OTOGL: variants seen among roughly 807,000 people sequenced by gnomAD.
OTOGL encodes the protein otogelin like.
In OTOGL, 285 loss-of-function variants were observed where a neutral mutation model predicts 318.5. The observed-to-expected ratio is 0.89, with a 90% CI of 0.81 to 0.99. The LOEUF is 0.99. OTOGL is among the 50% of genes least tolerant of loss of function. The probability of loss-of-function intolerance (pLI) is 0.00; values close to 1 mark genes in which losing one functional copy is unlikely to be tolerated. For missense variants in OTOGL, 2,899 were observed against 2,845.6 expected (o/e 1.02, Z -0.43); for synonymous variants, 987 against 936.5 (o/e 1.05, Z -0.99).
At chr12:80,375,184 G>A (rs780453900) in intron 57 of OTOGL, among the ~76,000 whole-genome samples, 33 of 152,258 alleles carry the variant, frequency 2.2e-4, no homozygotes, top group Middle Eastern at 3.4e-3. Flanking sequence ...AGAGATTGTG[G>A]AGGTTGGATA....
chr12:80,347,916 CTT>C, intron 44 of OTOGL, among the ~76,000 whole-genome samples: 1 of 152,148 alleles, frequency 6.6e-6, no homozygotes, highest in East Asian at 1.9e-4. Flanking sequence ...GCATAAATGT[CTT>C]CTTTTGAGAA....
chr12:80,312,093 A>C (rs1391438684), intron 30 of OTOGL, among the ~76,000 whole-genome samples: 1 of 152,262 alleles, frequency 6.6e-6, no homozygotes, highest in Admixed American at 6.5e-5. Flanking sequence ...TAGATTTCAC[A>C]TTGCAAAGAA....
chr12:80,199,440 T>A (rs1020309883), intron 1 of OTOGL, among the ~76,000 whole-genome samples: 1 of 152,228 alleles, frequency 6.6e-6, no homozygotes, highest in Admixed American at 6.5e-5. Flanking sequence ...TGATTATTTT[T>A]ATCATGATTT....
At chr12:80,163,757 A>G (rs547658637) in intron 1 of OTOGL, among the ~76,000 whole-genome samples, 40 of 152,114 alleles carry the variant, frequency 2.6e-4, no homozygotes, top group African/African-American at 9.2e-4. Context: ...CCAGTTGGGT[A>G]TGTTTTTATG....
rs1005882212 is a variant in OTOGL, at chr12:80,370,812, G to T, written c.6735+123G>T. 8.5e-6 allele frequency: 6 copies of T among 702,568 alleles called. No homozygotes were observed. In the African/African-American group the frequency reaches 1.1e-4, roughly 13 times the overall value. 43.5% of individuals were successfully genotyped at this position (702,568 alleles called of 1,614,324 possible). ...ATAATGGCGAATGTGTTATTTTCAT[G>T]AATGAATAAAAGCTCTGTTCTATTT... On this transcript the variant is annotated intron_variant, in intron 56 of 58. Coordinates refer to ENST00000547103, the MANE Select transcript of OTOGL (RefSeq NM_001378609.3).
intron 45 of OTOGL, among the ~76,000 whole-genome samples, chr12:80,352,684 G>A (rs1237919109): frequency 6.6e-6 from 1 of 152,010 alleles, no homozygotes; most frequent in Admixed American, 6.6e-5. Context: ...TATTCAAGAG[G>A]GGCATTGCTG....
chr12:80,151,157 G>C (rs1353298114), intron 1 of OTOGL, among the ~76,000 whole-genome samples: 5 of 151,780 alleles, frequency 3.3e-5, no homozygotes, highest in Non-Finnish European at 7.4e-5. Context: ...TTTAGGATGA[G>C]TTTCTAATTG....
intron 15 of OTOGL, 42 bp from the exon 16 acceptor site, chr12:80,254,983 TCCTCCTCTATCTCCA>T: frequency 7.5e-7 from 1 of 1,333,596 alleles, no homozygotes; most frequent in Non-Finnish European, 9.8e-7. Context: ...CTCCTCTCTC[TCCTCCTCTATCTCCA>T]CCTCCTTTTC....
In OTOGL at chr12:80,377,961, G is replaced by A. The variant is rs766813190; in HGVS notation, c.6975G>A (p.Leu2325=). 32 of 1,608,024 alleles carry A rather than the reference G, an allele frequency of 2.0e-5. No individual in the cohort carries two copies. Among genetic ancestry groups the A allele is most frequent in the Non-Finnish European group, 2.5e-5 (29 of 1,176,766 alleles). ...KCCRENGVRN[L]SVPLYCSGNG... is the part of the protein sequence containing the mutation. ...GTCGTGAAAATGGAGTACGAAACTTGTCTGTGCCTCTGTATTGCTCAGGAA... is the reference window on the plus strand; with the variant it reads ...GTCGTGAAAATGGAGTACGAAACTTATCTGTGCCTCTGTATTGCTCAGGAA... Residue 2325 remains leucine, a synonymous_variant, in exon 59 of 59, where the codon TTG becomes TTA. Transcript: ENST00000547103.
chr12:80,154,292 G>C lies in OTOGL; in HGVS notation c.-20+54687G>C, dbSNP rs145674849. ...CCACTGCACTCCAGCCTGGGCAACA[G>C]AGCAAGACTCAGTTAAAAAGGGGGG... On this transcript the variant is annotated intron_variant, in intron 1 of 58. Coordinates refer to ENST00000547103, the MANE Select transcript of OTOGL (RefSeq NM_001378609.3). 1.8e-4 allele frequency among the ~76,000 whole-genome samples: 28 copies of C among 152,118 alleles called. No individual in the cohort carries two copies. In the East Asian group the frequency reaches 5.2e-3, roughly 28 times the overall value.
In OTOGL at chr12:80,210,881, A is replaced by C; in HGVS notation, c.114A>C (p.Thr38=). ...YICASSILMG[T]SKNGFNENRQ... is the part of the protein sequence containing the mutation. Reference sequence around the variant, plus strand: ...GTGCATCGTCTATATTGATGGGAACATCAAAGTGAGTATTTCTTGTTCTTC... The same window carrying C: ...GTGCATCGTCTATATTGATGGGAACCTCAAAGTGAGTATTTCTTGTTCTTC... The change falls in exon 3 of 59, where the codon ACA becomes ACC. Residue 38 remains threonine, a synonymous_variant. Transcript: ENST00000547103. The C allele has an allele frequency of 1.3e-6, 2 of 1,484,768 alleles. No homozygotes were observed. The highest frequency in any genetic ancestry group is 1.8e-6 in the Non-Finnish European group (2 of 1,114,404). 92.0% of individuals were successfully genotyped at this position (1,484,768 alleles called of 1,614,324 possible). A position where few individuals can be genotyped will look rare whatever the true frequency, so the allele number is the denominator to read the frequency against.
intron 1 of OTOGL, among the ~76,000 whole-genome samples, chr12:80,208,619 T>C (rs557612757): frequency 1.3e-5 from 2 of 152,306 alleles, no homozygotes; most frequent in African/African-American, 4.8e-5. Flanking sequence ...AAGCAGTCAA[T>C]CCCTGTTAAA....
chr12:80,122,046 G>T (rs559000691), intron 1 of OTOGL, among the ~76,000 whole-genome samples: 2 of 152,164 alleles, frequency 1.3e-5, no homozygotes, highest in African/African-American at 4.8e-5. Context: ...AAATCCATCT[G>T]AGGCTCAAAC....
intron 37 of OTOGL, among the ~76,000 whole-genome samples, chr12:80,332,794 C>T (rs1333503623): frequency 6.6e-6 from 1 of 152,138 alleles, no homozygotes; most frequent in Non-Finnish European, 1.5e-5. Context: ...TCAAATTCTG[C>T]CTCTGCCACT....
At chr12:80,280,574 AT>A (rs1379561648) in intron 26 of OTOGL, among the ~76,000 whole-genome samples, 3 of 151,696 alleles carry the variant, frequency 2.0e-5, no homozygotes, top group African/African-American at 7.3e-5. Context: ...ATTGCTTATT[AT>A]TGTCAGCTTT....
chr12:80,239,827 T>A (rs985761779), intron 11 of OTOGL, among the ~76,000 whole-genome samples: 7 of 152,094 alleles, frequency 4.6e-5, no homozygotes, highest in African/African-American at 1.7e-4. Flanking sequence ...ACACCAGGTC[T>A]TATTTCTTCT....
intron 7 of OTOGL, among the ~76,000 whole-genome samples, chr12:80,226,164 C>G (rs1294298498): frequency 7.3e-6 from 1 of 137,326 alleles, no homozygotes; most frequent in Non-Finnish European, 1.6e-5. Context: ...GTTATGCCAC[C>G]CTTCCTGCTC....
intron 1 of OTOGL, among the ~76,000 whole-genome samples, chr12:80,135,350 G>T (rs1466395106): frequency 7.1e-6 from 1 of 141,804 alleles, no homozygotes; most frequent in African/African-American, 2.6e-5. Flanking sequence ...TCAGCTCATT[G>T]TAACCTCTGC....
rs765946836 is a variant in OTOGL at position 80,310,719 on chromosome 12, C to T, written c.3442C>T (p.Arg1148Cys). ...ILYSDIFASC[R>C]NVIDVTSFAK... ...GTACAGTGATATTTTTGCTTCTTGT[C>T]GCAATGTGGTAAATGAATACTTTAA... The change falls in exon 30 of 59, where the codon CGC becomes TGC. Residue 1148 changes from arginine to cysteine, a missense_variant. By Grantham distance (180) the Arg-to-Cys change is radical. Around this residue, in one of 3 missense-constraint regions of OTOGL, gnomAD observed 2,607 missense variants for 2,524.9 expected, o/e 1.03. Coordinates refer to ENST00000547103, the MANE Select transcript of OTOGL (RefSeq NM_001378609.3). 17 of 1,557,788 alleles carry T rather than the reference C, an allele frequency of 1.1e-5. No homozygotes were observed. Among genetic ancestry groups the T allele is most frequent in the Middle Eastern group, 1.7e-4 (1 of 5,998 alleles).
Sources: allele counts gnomAD v4.1 joint callset (sites outside exome capture counted in the v4.1 genomes callset), GRCh38; gene constraint gnomAD v4.1.1; regional missense constraint gnomAD v4.1.1; transcripts MANE v1.5; gene names NCBI Gene and HGNC (gene_info 2026-07-23, HGNC 2026-07-21).